Variants in EHD1 observed in about 807,000 individuals in gnomAD.
EHD1 encodes the protein EH domain containing 1.
A neutral mutation model predicts 39.0 loss-of-function variants in EHD1; 19 were observed. That is an observed-to-expected ratio of 0.49 (90% CI 0.34 to 0.72). The LOEUF (loss-of-function observed/expected upper bound fraction) is 0.72. Among genes scored for constraint, EHD1 ranks in the 30% least tolerant of loss-of-function variants. EHD1 has a pLI of 0.01. For missense variants in EHD1, 542 were observed against 751.5 expected, an observed-to-expected ratio of 0.72 and a Z score of 3.26; for synonymous variants, 323 against 331.2, an observed-to-expected ratio of 0.98 and a Z score of 0.27.
intron 2 of EHD1, among the ~76,000 whole-genome samples, chr11:64,872,927 G>C (rs1053942553): frequency 6.6e-6 from 1 of 152,210 alleles, no homozygotes; most frequent in Non-Finnish European, 1.5e-5. Context: ...ACACGGGAAG[G>C]ATCTGCAAGT....
At chr11:64,874,885 A>C (rs1453796526) in intron 1 of EHD1, among the ~76,000 whole-genome samples, 1 of 152,248 alleles carries the variant, frequency 6.6e-6, no homozygotes, top group East Asian at 1.9e-4. Flanking sequence ...CTGAAATCCC[A>C]TCTCAGAATC....
At chr11:64,855,532 C>T in intron 3 of EHD1, 46 bp from the exon 4 acceptor site, 1 of 1,607,378 alleles carries the variant, frequency 6.2e-7, no homozygotes, top group Non-Finnish European at 8.5e-7. Context: ...GCCCAGGCTG[C>T]CCCCGAGAGC....
At chr11:64,869,937 T>C (rs1943810084) in intron 2 of EHD1, among the ~76,000 whole-genome samples, 1 of 151,590 alleles carries the variant, frequency 6.6e-6, no homozygotes, top group Non-Finnish European at 1.5e-5. Context: ...CAGGTGGGAG[T>C]GTGGGCAGGG....
intron 1 of EHD1, among the ~76,000 whole-genome samples, chr11:64,875,404 A>T (rs1309781830): frequency 6.6e-6 from 1 of 152,180 alleles, no homozygotes; most frequent in Non-Finnish European, 1.5e-5. Flanking sequence ...TAGAAAAATT[A>T]GCTGGGCATG....
In EHD1 at chr11:64,854,631, T is replaced by C. The variant is rs1470506911; in HGVS notation, c.1307A>G (p.Asp436Gly). The change falls in exon 5 of 5, where the codon GAC (aspartate) becomes GGC (glycine). Residue 436 changes from aspartate to glycine, a missense_variant. By Grantham distance (94) the Asp-to-Gly change is moderately conservative. Transcript: ENST00000320631. ...GTCCTTGCCCACCACCCACTCCACG[T>C]CGTCGATGCCCTCGCCGGCCCCCTC... ...YGEGAGEGID[D>G]VEWVVGKDKP... 2 of 1,613,824 alleles carry C rather than the reference T, an allele frequency of 1.2e-6. No homozygotes were observed. Among genetic ancestry groups the C allele is most frequent in the African/African-American group, 2.7e-5 (2 of 74,912 alleles).
chr11:64,874,087 T>C (rs1010484422), intron 2 of EHD1, among the ~76,000 whole-genome samples: 25 of 150,092 alleles, frequency 1.7e-4, no homozygotes, highest in Non-Finnish European at 3.1e-4. Context: ...GGGCAGATCA[T>C]GAGGTCAGGA....
chr11:64,854,342 T>C lies in EHD1; in HGVS notation c.1596A>G (p.Arg532=), dbSNP rs1943619380. ...PPHLVPPSKR[R]HE ...GCGGGGCCGGGCGCCATCACTCATGTCTGCGCTTGGAGGGCGGCACCAGGT... is the reference window on the plus strand; with the variant it reads ...GCGGGGCCGGGCGCCATCACTCATGCCTGCGCTTGGAGGGCGGCACCAGGT... Residue 532 remains arginine, a synonymous_variant, in exon 5 of 5, where the codon AGA becomes AGG. Transcript: ENST00000320631. 1 of 1,607,360 alleles carries C rather than the reference T, an allele frequency of 6.2e-7. No individual in the cohort carries two copies. The highest frequency in any genetic ancestry group is 1.1e-5 in the South Asian group (1 of 90,920).
intron 3 of EHD1, chr11:64,855,830 C>T: frequency 3.1e-6 from 1 of 319,482 alleles, no homozygotes; most frequent in Non-Finnish European, 6.0e-6. Context: ...TTGTCGTGTA[C>T]CACTGGGCAC....
intron 3 of EHD1, among the ~76,000 whole-genome samples, chr11:64,858,190 C>CTTTTTTT (rs10674960): frequency 3.5e-5 from 5 of 142,684 alleles, no homozygotes; most frequent in African/African-American, 5.2e-5. Context: ...TATTTCTTTT[C>CTTTTTTT]TTTTTTTTTG....
At chr11:64,870,830 C>G (rs535680654) in intron 2 of EHD1, among the ~76,000 whole-genome samples, 2 of 152,314 alleles carry the variant, frequency 1.3e-5, no homozygotes, top group African/African-American at 4.8e-5. Context: ...CAAGAATGAA[C>G]GCAGCCCCCA....
intron 2 of EHD1, among the ~76,000 whole-genome samples, chr11:64,861,930 C>G (rs2136483752): frequency 6.6e-6 from 1 of 152,298 alleles, no homozygotes; most frequent in South Asian, 2.1e-4. Flanking sequence ...TTTTTAGAGA[C>G]AGGGTTTTGC....
At chr11:64,872,867 G>A (rs1289641711) in intron 2 of EHD1, among the ~76,000 whole-genome samples, 8 of 152,216 alleles carry the variant, frequency 5.3e-5, no homozygotes, top group Non-Finnish European at 1.2e-4. Context: ...CCTAGCTGCC[G>A]GCTTTGACTG....
In EHD1 at chr11:64,854,625, T is replaced by C; in HGVS notation, c.1313A>G (p.Glu438Gly). 6.2e-7 allele frequency: 1 copy of C among 1,613,942 alleles called. No homozygotes were observed. Among genetic ancestry groups the C allele is most frequent in the Non-Finnish European group, 8.5e-7 (1 of 1,179,944 alleles). The change falls in exon 5 of 5, where the codon GAG becomes GGG. Residue 438 changes from glutamate (E) to glycine (G), a missense_variant. By Grantham distance (98) the Glu-to-Gly change is moderately conservative. Coordinates refer to ENST00000320631, the MANE Select transcript of EHD1 (RefSeq NM_006795.4). ...EGAGEGIDDV[E>G]WVVGKDKPTY... ...GGGCTTGTCCTTGCCCACCACCCAC[T>C]CCACGTCGTCGATGCCCTCGCCGGC... is the stretch of plus-strand genomic sequence containing the variant.
chr11:64,879,679 G>A, upstream of EHD1: 2 of 1,548,600 alleles, frequency 1.3e-6, no homozygotes, highest in Non-Finnish European at 1.7e-6. Flanking sequence ...GACCCCTTTG[G>A]CTGTCCAGGC....
rs1943910131 is a variant in EHD1 at position 64,878,294 on chromosome 11, G to C, written c.171C>G (p.Asn57Lys). The C allele has an allele frequency of 6.2e-7, 1 of 1,614,092 alleles. No individual in the cohort carries two copies. The highest frequency in any genetic ancestry group is 1.7e-5 in the Admixed American group (1 of 60,014). ...SPALEDADFD[N>K]KPMVLLVGQY... ...GCCCCACGAGGAGCACCATAGGCTT[G>C]TTGTCGAAGTCAGCGTCCTCCAGCG... Residue 57 changes from asparagine (N) to lysine (K), a missense_variant, in exon 1 of 5, where the codon AAC becomes AAG. Asn to Lys is a moderately conservative substitution (Grantham distance 94). Coordinates refer to ENST00000320631, the MANE Select transcript of EHD1 (RefSeq NM_006795.4).
intron 4 of EHD1, 156 bp from the exon 5 acceptor site, chr11:64,855,013 C>G (rs558603797): frequency 6.6e-5 from 66 of 1,005,482 alleles, no homozygotes; most frequent in Non-Finnish European, 9.0e-5. Context: ...GGCTCTCTAA[C>G]CTGTACACAG....
chr11:64,862,346 C>T (rs4930281), intron 2 of EHD1, among the ~76,000 whole-genome samples: 135,176 of 152,300 alleles, frequency 0.89, 60,534 homozygotes, highest in Non-Finnish European at 0.93. Context: ...TATAACTATC[C>T]AGTTTCAGCT....
intron 2 of EHD1, among the ~76,000 whole-genome samples, chr11:64,862,967 G>A (rs1391137978): frequency 1.3e-5 from 2 of 152,204 alleles, no homozygotes; most frequent in Admixed American, 6.5e-5. Flanking sequence ...AGTGACAGGC[G>A]GGCCATGTGG....
At chr11:64,871,713 C>T (rs2136497035) in intron 2 of EHD1, among the ~76,000 whole-genome samples, 2 of 152,294 alleles carry the variant, frequency 1.3e-5, no homozygotes, top group African/African-American at 4.8e-5. Context: ...TAGAGATGAC[C>T]TTCTGTGGAT....
Sources: gnomAD v4.1 joint callset for allele counts (sites outside exome capture counted in the v4.1 genomes callset) on GRCh38, gnomAD v4.1.1 for gene constraint, MANE v1.5 for transcripts, NCBI Gene and HGNC (gene_info 2026-07-23, HGNC 2026-07-21) for gene names.